Variants in CERS4 observed in about 807,000 individuals in gnomAD.
CERS4 encodes ceramide synthase 4.
A neutral mutation model predicts 51.8 loss-of-function variants in CERS4; 65 were observed. The observed-to-expected ratio is 1.26, with a 90% CI of 1.03 to 1.54. The LOEUF is 1.54. Ranked by LOEUF, CERS4 falls within the 40% of genes most tolerant of loss-of-function variation. The pLI, the probability that CERS4 is intolerant of heterozygous loss-of-function variation, is 0.00. For synonymous variants in CERS4, 228 were observed against 208.4 expected (o/e 1.09, Z -0.81); for missense variants, 563 against 500.4 (o/e 1.13, Z -1.19).
intron 3 of CERS4, among the ~76,000 whole-genome samples, chr19:8,253,633 T>G (rs754690004): frequency 2.9e-4 from 44 of 151,782 alleles, no homozygotes; most frequent in Non-Finnish European, 3.2e-4. Flanking sequence ...CCCGGCTAAT[T>G]TTTTGTATTT....
In CERS4 at chr19:8,251,259, T is replaced by G. The variant is rs1243793447; in HGVS notation, c.173+10T>G. The G allele has an allele frequency of 6.3e-7, 1 of 1,577,728 alleles. No homozygotes were observed. ...GCCTTGCCTTTGAGAGGTGAGTGTCTGCCCTGCCGCAATCCATTGCCCCCG... is the reference window on the plus strand; with the variant it reads ...GCCTTGCCTTTGAGAGGTGAGTGTCGGCCCTGCCGCAATCCATTGCCCCCG... On this transcript the variant is annotated intron_variant, in intron 3 of 11. Transcript: ENST00000251363.
chr19:8,257,839 C>A (rs759139356), intron 9 of CERS4, 40 bp from the exon 10 acceptor site: 2 of 1,515,504 alleles, frequency 1.3e-6, no homozygotes, highest in African/African-American at 2.7e-5. Context: ...GAGACCAGGG[C>A]CCTGGTCCTG....
intron 2 of CERS4, among the ~76,000 whole-genome samples, chr19:8,226,671 C>T (rs903375437): frequency 6.6e-6 from 1 of 152,074 alleles, no homozygotes; most frequent in Non-Finnish European, 1.5e-5. Context: ...TTTGGAAGGC[C>T]GACGTGGGCA....
intron 6 of CERS4, 150 bp from the exon 7 acceptor site, chr19:8,256,086 C>A: frequency 1.0e-6 from 1 of 958,844 alleles, no homozygotes; most frequent in Non-Finnish European, 1.6e-6. Flanking sequence ...AGTGAATGAG[C>A]CCCCCAGTCG....
chr19:8,211,118 CCT>C (rs138454484), intron 2 of CERS4, among the ~76,000 whole-genome samples: 1 of 152,212 alleles, frequency 6.6e-6, no homozygotes, highest in East Asian at 1.9e-4. Context: ...TTCCATTTCT[CCT>C]CTGAGAAATT....
At chr19:8,254,399 T>A in intron 3 of CERS4, 100 bp from the exon 4 acceptor site, 24 of 870,366 alleles carry the variant, frequency 2.8e-5, no homozygotes, top group African/African-American at 3.6e-5. Flanking sequence ...ACTTTGCCCC[T>A]CCGAGACTTG....
chr19:8,228,387 T>C (rs1293249952), intron 2 of CERS4, among the ~76,000 whole-genome samples: 1 of 152,168 alleles, frequency 6.6e-6, no homozygotes, highest in Non-Finnish European at 1.5e-5. Flanking sequence ...AATTTTTAAA[T>C]ATGTCAGCCG....
chr19:8,257,736 C>T, intron 9 of CERS4, 143 bp from the exon 10 acceptor site: 1 of 647,014 alleles, frequency 1.5e-6, no homozygotes. Context: ...AGCCTATATT[C>T]ACACTCTTTA....
At chr19:8,220,339 C>T (rs1175586524) in intron 2 of CERS4, among the ~76,000 whole-genome samples, 7 of 152,050 alleles carry the variant, frequency 4.6e-5, no homozygotes, top group Non-Finnish European at 2.9e-5. Context: ...GCACCATGCT[C>T]TGTTACCCAG....
intron 8 of CERS4, 91 bp from the exon 9 acceptor site, chr19:8,256,858 A>AC (rs1173757874): frequency 6.2e-7 from 1 of 1,600,864 alleles, no homozygotes; most frequent in East Asian, 2.2e-5. Context: ...GGCCACACCA[A>AC]CCCCCTGAAA....
At chr19:8,221,046 C>T (rs1177629782) in intron 2 of CERS4, among the ~76,000 whole-genome samples, 3 of 151,014 alleles carry the variant, frequency 2.0e-5, no homozygotes, top group South Asian at 2.1e-4. Context: ...AGGATGGTCT[C>T]GATCTCCTGA....
At position 8,256,351 on chromosome 19, in the gene CERS4, T is replaced by G. The variant is rs762066632; in HGVS notation, c.519+65T>G. On this transcript the variant is annotated intron_variant, in intron 7 of 11. Coordinates refer to ENST00000251363, the MANE Select transcript of CERS4 (RefSeq NM_024552.3). ...GCGATGATCACAGTTGCTGCAGCCA[T>G]GGGCATGGGACCCGAACCCTGACAC... 2.7e-4 allele frequency: 428 copies of G among 1,566,408 alleles called. 1 individual carries two copies. The highest frequency in any genetic ancestry group is 3.5e-4 in the Admixed American group (20 of 56,852).
intron 11 of CERS4, 42 bp from the exon 12 acceptor site, chr19:8,261,888 T>C (rs76022690): frequency 0.022 from 35,862 of 1,613,004 alleles, 486 homozygotes; most frequent in African/African-American, 0.045. Context: ...AAGCTCCTCC[T>C]TCCTCCCTGC....
chr19:8,215,325 A>C (rs925401710), intron 2 of CERS4, among the ~76,000 whole-genome samples: 2 of 152,042 alleles, frequency 1.3e-5, no homozygotes, highest in African/African-American at 4.8e-5. Context: ...CTAAAAATAC[A>C]AAAATTAGCC....
chr19:8,252,357 C>G (rs1969129513), intron 3 of CERS4, among the ~76,000 whole-genome samples: 2 of 98,148 alleles, frequency 2.0e-5, no homozygotes, highest in Admixed American at 1.2e-4. Context: ...GCAACAAGAG[C>G]AAAACTCCAT....
chr19:8,261,455 C>T (rs888027093), intron 10 of CERS4: 2 of 566,908 alleles, frequency 3.5e-6, no homozygotes, highest in Admixed American at 6.1e-5. Flanking sequence ...GGGTGGGGTT[C>T]ATAGTCATGA....
intron 3 of CERS4, among the ~76,000 whole-genome samples, chr19:8,253,475 G>A (rs1969201777): frequency 7.5e-6 from 1 of 133,706 alleles, no homozygotes; most frequent in South Asian, 2.3e-4. Context: ...TTTTTTTGGG[G>A]AGACAGAGTC....
intron 3 of CERS4, 61 bp downstream of exon 3, chr19:8,251,310 C>A: frequency 6.8e-7 from 1 of 1,480,402 alleles, no homozygotes; most frequent in Non-Finnish European, 8.9e-7. Context: ...GTGCTCGTGC[C>A]CTGTGTGCAA....
intron 5 of CERS4, 33 bp from the exon 6 acceptor site, chr19:8,255,789 C>A (rs2145317636): frequency 6.2e-7 from 1 of 1,613,424 alleles, no homozygotes; most frequent in African/African-American, 1.3e-5. Flanking sequence ...GGGCGGGTGT[C>A]TGCTATTTTC....
Sources: allele counts gnomAD v4.1 joint callset (sites outside exome capture counted in the v4.1 genomes callset), GRCh38; gene constraint gnomAD v4.1.1; transcripts MANE v1.5; gene names NCBI Gene and HGNC (gene_info 2026-07-23, HGNC 2026-07-21).